The following KCNIP1 variants were observed in gnomAD, a reference collection of about 807,000 sequenced individuals.
KCNIP1 encodes the protein A-type potassium channel modulatory protein KCNIP1.
In KCNIP1, 18 loss-of-function variants were observed where a neutral mutation model predicts 33.0. The ratio of observed to expected loss-of-function variants is 0.55; its 90% CI spans 0.38 to 0.81. The LOEUF (loss-of-function observed/expected upper bound fraction) is 0.81. Ranked by LOEUF, KCNIP1 falls within the 30% of genes least tolerant of loss-of-function variation. The pLI is 0.00. For synonymous variants in KCNIP1, 93 were observed against 98.3 expected (o/e 0.95, Z 0.32); for missense variants, 238 against 271.6 (o/e 0.88, Z 0.87).
rs76531167 is a variant in KCNIP1, at chr5:170,583,470, G to T, written c.61+78837G>T. Among the ~76,000 whole-genome samples, 1,271 of 152,310 alleles carry T rather than the reference G, an allele frequency of 8.3e-3. 17 individuals carry two copies. Among genetic ancestry groups the T allele is most frequent in the African/African-American group, 0.029 (1,202 of 41,552 alleles). Reference sequence around the variant, plus strand: ...AGGAAGAGGAGGGGGAGAAGATTAGGCAAGAATGTAAAAGCCCTCATGGGT... The same window carrying T: ...AGGAAGAGGAGGGGGAGAAGATTAGTCAAGAATGTAAAAGCCCTCATGGGT... On this transcript the variant is annotated intron_variant, in intron 1 of 7. Transcript: ENST00000328939.
intron 1 of KCNIP1, among the ~76,000 whole-genome samples, chr5:170,655,080 G>A (rs779444696): frequency 6.6e-6 from 1 of 152,100 alleles, no homozygotes; most frequent in Non-Finnish European, 1.5e-5. Flanking sequence ...TCTGGAGCCA[G>A]CACAAAAGAT....
chr5:170,466,868 G>A (rs1756619701), intron 1 of KCNIP1, among the ~76,000 whole-genome samples: 1 of 152,172 alleles, frequency 6.6e-6, no homozygotes, highest in African/African-American at 2.4e-5. Flanking sequence ...ATGAACTTTA[G>A]GGGTCACAAG....
intron 1 of KCNIP1, among the ~76,000 whole-genome samples, chr5:170,556,520 C>G (rs969318791): frequency 3.3e-4 from 51 of 152,284 alleles, no homozygotes; most frequent in African/African-American, 1.1e-3. Flanking sequence ...CATGGATTCT[C>G]CTCTCCAGGA....
intron 1 of KCNIP1, among the ~76,000 whole-genome samples, chr5:170,357,024 A>C (rs1416843597): frequency 6.6e-6 from 1 of 152,128 alleles, no homozygotes; most frequent in East Asian, 1.9e-4. Context: ...CCCAGAAGGA[A>C]AGGCTGGGTG....
chr5:170,385,081 CGTCCTAGATCATGTGTCTGTTACCACCAG>C (rs1561597427), intron 1 of KCNIP1, among the ~76,000 whole-genome samples: 3 of 152,166 alleles, frequency 2.0e-5, no homozygotes, highest in Non-Finnish European at 4.4e-5. Context: ...GTTACCACCA[CGTCCTAGATCATGTGTCTGTTACCACCAG>C]GTCCTAGAAT....
intron 1 of KCNIP1, among the ~76,000 whole-genome samples, chr5:170,382,036 C>T (rs1406798382): frequency 6.6e-6 from 1 of 152,140 alleles, no homozygotes; most frequent in Non-Finnish European, 1.5e-5. Context: ...CCATCCCAGG[C>T]ACCCTGCCCC....
intron 1 of KCNIP1, among the ~76,000 whole-genome samples, chr5:170,676,616 G>C (rs575457163): frequency 6.6e-6 from 1 of 152,266 alleles, no homozygotes; most frequent in Non-Finnish European, 1.5e-5. Context: ...TCCAAATGAG[G>C]TTTAGACAGT....
At chr5:170,400,850 C>T (rs986066089) in intron 1 of KCNIP1, among the ~76,000 whole-genome samples, 19 of 152,134 alleles carry the variant, frequency 1.2e-4, no homozygotes, top group African/African-American at 3.6e-4. Context: ...TTAAGCCATT[C>T]GATACAATAG....
chr5:170,638,404 T>C (rs952599532), intron 1 of KCNIP1, among the ~76,000 whole-genome samples: 1 of 152,112 alleles, frequency 6.6e-6, no homozygotes, highest in African/African-American at 2.4e-5. Context: ...CAGTTCTCAG[T>C]GAGAAGAGTG....
At chr5:170,418,964 C>T (rs1439539998) in intron 1 of KCNIP1, among the ~76,000 whole-genome samples, 1 of 152,222 alleles carries the variant, frequency 6.6e-6, no homozygotes, top group African/African-American at 2.4e-5. Context: ...GAGTGAGTGT[C>T]CTCGCTAAGA....
intron 1 of KCNIP1, among the ~76,000 whole-genome samples, chr5:170,579,767 C>A (rs973378309): frequency 3.9e-5 from 6 of 152,088 alleles, no homozygotes; most frequent in Non-Finnish European, 7.4e-5. Flanking sequence ...TGCTTGGAGG[C>A]GGGAAGCCCT....
rs780940473 is a variant in KCNIP1 at position 170,385,354 on chromosome 5, A to G, written c.88+31390A>G. The stretch of plus-strand genomic sequence containing the variant: ...GGCAGCACAGTCGTGACCAGGATGT[A>G]GTAGGTGATGACGGCACACACCACC... On this transcript the variant is annotated intron_variant, in intron 1 of 7. Coordinates refer to the KCNIP1 transcript ENST00000377360. The G allele has an allele frequency of 1.1e-4, 178 of 1,614,158 alleles. No homozygotes were observed. The highest frequency in any genetic ancestry group is 2.3e-4 in the South Asian group (21 of 91,078).
Position 170,489,447 on chromosome 5 carries a change from C to T in KCNIP1, c.88+135483C>T, listed in dbSNP as rs1757161594. 6.6e-6 allele frequency among the ~76,000 whole-genome samples: 1 copy of T among 152,130 alleles called. No homozygotes were observed. The highest frequency in any genetic ancestry group is 6.5e-5 in the Admixed American group (1 of 15,282). The stretch of plus-strand genomic sequence containing the variant: ...CGGCCCTTCTCCTCTCCCTCAGTGT[C>T]CTGGAAAGGCCCCAGGGCTGCCCCA... On this transcript the variant is annotated intron_variant, in intron 1 of 7. Transcript: ENST00000377360. The surrounding 1 kb of genome is among the most constrained non-coding windows in gnomAD (Gnocchi z 4.3).
intron 1 of KCNIP1, among the ~76,000 whole-genome samples, chr5:170,381,128 G>A (rs1382324164): frequency 3.5e-4 from 54 of 152,196 alleles, no homozygotes; most frequent in Non-Finnish European, 1.2e-4. Context: ...TCCTCTGCCT[G>A]CTCAGGGTTC....
At chr5:170,525,198 C>T (rs946191691) in intron 1 of KCNIP1, among the ~76,000 whole-genome samples, 1 of 152,190 alleles carries the variant, frequency 6.6e-6, no homozygotes. Context: ...GTAGGTGAGA[C>T]CTTGTCTCTG....
intron 1 of KCNIP1, among the ~76,000 whole-genome samples, chr5:170,385,755 C>G (rs546030517): frequency 6.6e-6 from 1 of 152,166 alleles, no homozygotes; most frequent in East Asian, 1.9e-4. Context: ...CCCAAGATGT[C>G]TATGTTCTAG....
intron 1 of KCNIP1, among the ~76,000 whole-genome samples, chr5:170,682,860 C>G (rs963277426): frequency 2.2e-5 from 3 of 134,534 alleles, no homozygotes; most frequent in African/African-American, 8.2e-5. Context: ...AACTCCTGAC[C>G]TCAGGTCATC....
At chr5:170,508,503 C>T (rs952218458) in intron 1 of KCNIP1, among the ~76,000 whole-genome samples, 5 of 152,188 alleles carry the variant, frequency 3.3e-5, no homozygotes, top group African/African-American at 4.8e-5. Flanking sequence ...TGACAAGAGA[C>T]AGACAGGCAT....
intron 1 of KCNIP1, among the ~76,000 whole-genome samples, chr5:170,673,086 T>C (rs1761985411): frequency 6.6e-6 from 1 of 152,260 alleles, no homozygotes; most frequent in Non-Finnish European, 1.5e-5. Flanking sequence ...GTTGAGTTAC[T>C]AAATATTCAT....
Sources: gnomAD v4.1 joint callset for allele counts (sites outside exome capture counted in the v4.1 genomes callset) on GRCh38, gnomAD v4.1.1 for gene constraint, Gnocchi (gnomAD v3.1) non-coding constraint, MANE v1.5 for transcripts, NCBI Gene and HGNC (gene_info 2026-07-23, HGNC 2026-07-21) for gene names.